RIPPLY2: variants seen among roughly 807,000 people sequenced by gnomAD.
RIPPLY2 encodes the protein protein ripply2.
Under a neutral mutation model 17.7 loss-of-function variants are expected in RIPPLY2, and 20 were observed. The ratio of observed to expected loss-of-function variants is 1.13; its 90% CI spans 0.79 to 1.64. The LOEUF (loss-of-function observed/expected upper bound fraction) is 1.64, where lower values mean the gene tolerates loss of function less well. Among genes scored for constraint, RIPPLY2 ranks in the 40% most tolerant of loss-of-function variants. RIPPLY2 has a pLI of 0.00. For synonymous variants in RIPPLY2, 69 were observed against 63.9 expected (o/e 1.08, Z -0.38); for missense variants, 213 against 169.8 (o/e 1.25, Z -1.41).
At chr6:83,854,188 TCC>T in intron 3 of RIPPLY2, 27 bp downstream of exon 3, 1 of 1,595,234 alleles carries the variant, frequency 6.3e-7, no homozygotes, top group African/African-American at 1.3e-5. Flanking sequence ...GCCGAAGGTC[TCC>T]CGCTCCTCCA....
At chr6:83,854,218 G>C in intron 3 of RIPPLY2, 57 bp downstream of exon 3, 1 of 1,402,622 alleles carries the variant, frequency 7.1e-7, no homozygotes, top group Non-Finnish European at 1.0e-6. Flanking sequence ...GGAGGAGCCA[G>C]GGGCATCGCG....
At chr6:83,853,642 C>G (rs1409272192) in intron 1 of RIPPLY2, 53 bp from the exon 2 acceptor site, 23 of 1,584,788 alleles carry the variant, frequency 1.5e-5, no homozygotes, top group Non-Finnish European at 1.7e-5. Context: ...GTGGATTCTC[C>G]CGGGTCTGGG....
intron 3 of RIPPLY2, chr6:83,856,424 TG>T (rs1214353772): frequency 6.6e-6 from 1 of 152,236 alleles, no homozygotes; most frequent in African/African-American, 2.4e-5. Flanking sequence ...TGCACTAAAA[TG>T]ACTGCACTGT....
intron 2 of RIPPLY2, 47 bp downstream of exon 2, chr6:83,853,820 G>A (rs778358240): frequency 6.5e-7 from 1 of 1,533,284 alleles, no homozygotes; most frequent in African/African-American, 1.4e-5. Flanking sequence ...GGGTGCAGAA[G>A]ATCGACCAGG....
rs753808878 is a variant in RIPPLY2, at chr6:83,854,144, A to G, written c.222A>G (p.Gln74=). 2.5e-6 allele frequency: 4 copies of G among 1,613,900 alleles called. No individual in the cohort carries two copies. The highest frequency in any genetic ancestry group is 2.7e-5 in the African/African-American group (2 of 74,892). ...CCGCAGCCTCAGGAAAGCTTTACCA[A>G]TTCAGGCACCCAGTCAGGTGAGTGA... The part of the protein sequence containing the change: ...GMTAASGKLY[Q]FRHPVRLFWP... The change falls in exon 3 of 4, where the codon CAA becomes CAG. Residue 74 remains glutamine, a synonymous_variant. Coordinates refer to ENST00000369689, the MANE Select transcript of RIPPLY2 (RefSeq NM_001009994.3).
At chr6:83,853,977 G>C in intron 2 of RIPPLY2, 120 bp from the exon 3 acceptor site, 2 of 1,107,556 alleles carry the variant, frequency 1.8e-6, no homozygotes, top group Non-Finnish European at 2.7e-6. Flanking sequence ...AGCCGGGAGC[G>C]AGGCTGCTGA....
intron 2 of RIPPLY2, 101 bp downstream of exon 2, chr6:83,853,874 G>A: frequency 8.8e-7 from 1 of 1,141,234 alleles, no homozygotes; most frequent in Non-Finnish European, 1.3e-6. Flanking sequence ...GAGACACCGG[G>A]TCCTGCCTCT....
Position 83,857,282 on chromosome 6 carries a change from C to A in RIPPLY2, c.280C>A (p.Gln94Lys), listed in dbSNP as rs778832781. 1 of 1,548,640 alleles carries A rather than the reference C, an allele frequency of 6.5e-7. No homozygotes were observed. Among genetic ancestry groups the A allele is most frequent in the South Asian group, 1.3e-5 (1 of 79,708 alleles). Residue 94 changes from glutamine (Q) to lysine (K), a missense_variant, in exon 4 of 4, where the codon CAA becomes AAA. Physicochemically the swap from Gln to Lys is moderately conservative, Grantham distance 53. Transcript: ENST00000369689. ...PKSKCYDYLY[Q>K]EAEALLKNFP... ...ATCAAAATGTTATGATTACTTATAT[C>A]AAGAAGCAGAAGCTCTTCTGAAAAA...
Position 83,857,380 on chromosome 6 carries a change from T to C in RIPPLY2, c.378T>C (p.Cys126=), listed in dbSNP as rs747189132. ...DSEDEIEDLT[C]EN is the part of the protein sequence containing the mutation. ...AAGATGAAATTGAGGATCTGACCTGTGAAAATTAATCTGATTAGCTACTTT... is the reference window on the plus strand; with the variant it reads ...AAGATGAAATTGAGGATCTGACCTGCGAAAATTAATCTGATTAGCTACTTT... Residue 126 remains cysteine, a synonymous_variant, in exon 4 of 4, where the codon TGT becomes TGC. Coordinates refer to ENST00000369689, the MANE Select transcript of RIPPLY2 (RefSeq NM_001009994.3). 2 of 1,573,372 alleles carry C rather than the reference T, an allele frequency of 1.3e-6. No individual in the cohort carries two copies. The highest frequency in any genetic ancestry group is 2.8e-5 in the African/African-American group (2 of 72,448).
intron 1 of RIPPLY2, 57 bp from the exon 2 acceptor site, chr6:83,853,638 T>A (rs1588552865): frequency 6.3e-7 from 1 of 1,579,706 alleles, no homozygotes; most frequent in East Asian, 2.3e-5. Context: ...TTCGGTGGAT[T>A]CTCCCGGGTC....
Position 83,857,253 on chromosome 6 carries a change from C to A in RIPPLY2, c.251C>A (p.Pro84Gln). The change falls in exon 4 of 4, where the codon CCA becomes CAA. Residue 84 changes from proline (P) to glutamine (Q), a missense_variant. Physicochemically the swap from Pro to Gln is moderately conservative, Grantham distance 76. Transcript: ENST00000369689. ...TCTGCTTCTTTCAGACTATTTTGGC[C>A]AAAATCAAAATGTTATGATTACTTA... Reference protein sequence around the residue: ...QFRHPVRLFWPKSKCYDYLYQ... With the variant: ...QFRHPVRLFWQKSKCYDYLYQ... 1 of 1,498,726 alleles carries A rather than the reference C, an allele frequency of 6.7e-7. No individual in the cohort carries two copies. The highest frequency in any genetic ancestry group is 8.9e-7 in the Non-Finnish European group (1 of 1,124,000). 92.8% of individuals were successfully genotyped at this position (1,498,726 alleles called of 1,614,324 possible). A position where few individuals can be genotyped will look rare whatever the true frequency, so the allele number is the denominator to read the frequency against.
intron 3 of RIPPLY2, 148 bp downstream of exon 3, chr6:83,854,309 C>T (rs2099454663): frequency 9.0e-6 from 6 of 668,222 alleles, no homozygotes; most frequent in Non-Finnish European, 1.6e-5. Flanking sequence ...TCTTCTCACT[C>T]ATCAAATTGA....
In RIPPLY2 at chr6:83,853,737, G is replaced by T; in HGVS notation, c.138G>T (p.Lys46Asn). The change falls in exon 2 of 4, where the codon AAG (lysine) becomes AAT (asparagine). Residue 46 changes from lysine to asparagine, a missense_variant. Physicochemically the swap from Lys to Asn is moderately conservative, Grantham distance 94. Coordinates refer to ENST00000369689, the MANE Select transcript of RIPPLY2 (RefSeq NM_001009994.3). ...FWRPWVDAGG[K>N]KEEETPNHAA... ...GACCCTGGGTGGACGCCGGAGGCAA[G>T]AAAGAAGAGGAGACGCCGAACCACG... 6.2e-7 allele frequency: 1 copy of T among 1,613,702 alleles called. No individual in the cohort carries two copies. The highest frequency in any genetic ancestry group is 8.5e-7 in the Non-Finnish European group (1 of 1,179,956).
intron 3 of RIPPLY2, chr6:83,856,280 T>A (rs921947887): frequency 2.6e-5 from 4 of 152,230 alleles, no homozygotes; most frequent in African/African-American, 7.2e-5. Flanking sequence ...AAACTTTTTT[T>A]ATGATTTTTG....
Position 83,857,426 on chromosome 6 carries a change from G to T in RIPPLY2, c.*37G>T. On this transcript the variant is annotated 3_prime_UTR_variant, in exon 4 of 4. Transcript: ENST00000369689. ...ACTTTTGATTATATCCAAAGCTTGT[G>T]GGGTTTAAATTTAGTGTACAAATGT... is the stretch of plus-strand genomic sequence containing the variant. 6.8e-7 allele frequency: 1 copy of T among 1,461,050 alleles called. No individual in the cohort carries two copies. The highest frequency in any genetic ancestry group is 1.4e-5 in the South Asian group (1 of 69,938). 90.5% of individuals were successfully genotyped at this position (1,461,050 alleles called of 1,614,324 possible).
chr6:83,854,522 G>T, intron 3 of RIPPLY2: 1 of 241,220 alleles, frequency 4.1e-6, no homozygotes. Flanking sequence ...TGTGTATGCT[G>T]CTTTTGTCTT....
At chr6:83,853,665 C>A (rs1395850114) in intron 1 of RIPPLY2, 30 bp from the exon 2 acceptor site, 1 of 1,606,512 alleles carries the variant, frequency 6.2e-7, no homozygotes, top group Non-Finnish European at 8.5e-7. Context: ...CACGTCTCCT[C>A]TGCGCGCCTT....
In RIPPLY2 at chr6:83,853,492, C is replaced by T; in HGVS notation, c.76C>T (p.Arg26Cys). The T allele has an allele frequency of 1.3e-6, 2 of 1,538,698 alleles. No individual in the cohort carries two copies. Among genetic ancestry groups the T allele is most frequent in the Non-Finnish European group, 1.7e-6 (2 of 1,145,322 alleles). Reference protein sequence around the residue: ...ACAATDGPTRRAGADSGYAGF... With the variant: ...ACAATDGPTRCAGADSGYAGF... ...CGCGGCCACCGACGGCCCTACGCGGCGCGCGGGCGCGGACTCCGGGTAGGC... is the reference window on the plus strand; with the variant it reads ...CGCGGCCACCGACGGCCCTACGCGGTGCGCGGGCGCGGACTCCGGGTAGGC... Residue 26 changes from arginine to cysteine, a missense_variant, in exon 1 of 4, where the codon CGC (arginine) becomes TGC (cysteine). Physicochemically the swap from Arg to Cys is radical, Grantham distance 180. Transcript: ENST00000369689.
chr6:83,853,862 G>A, intron 2 of RIPPLY2, 89 bp downstream of exon 2: 1 of 1,224,132 alleles, frequency 8.2e-7, no homozygotes, highest in Non-Finnish European at 1.2e-6. Context: ...AGAGAGACAT[G>A]CGAGACACCG....
Sources: allele counts gnomAD v4.1 joint callset, GRCh38; gene constraint gnomAD v4.1.1; transcripts MANE v1.5; gene names NCBI Gene and HGNC (gene_info 2026-07-23, HGNC 2026-07-21).